Variants in FBXL16 observed in about 807,000 individuals in gnomAD.
FBXL16 encodes the protein F-box and leucine rich repeat protein 16.
Under a neutral mutation model 36.7 loss-of-function variants are expected in FBXL16, and 7 were observed. The ratio of observed to expected loss-of-function variants is 0.19; its 90% CI spans 0.11 to 0.36. The LOEUF (loss-of-function observed/expected upper bound fraction) is 0.36, where lower values mean the gene tolerates loss of function less well. Ranked by LOEUF, FBXL16 falls within the 10% of genes least tolerant of loss-of-function variation. The pLI, the probability that FBXL16 is intolerant of heterozygous loss-of-function variation, is 1.00. For missense variants in FBXL16, 463 were observed against 659.4 expected (o/e 0.70, Z 3.26); for synonymous variants, 355 against 308.7 (o/e 1.15, Z -1.57).
In FBXL16 at chr16:697,380, T is replaced by C. The variant is rs1374954732; in HGVS notation, c.26A>G (p.Asp9Gly). The C allele has an allele frequency of 8.5e-6, 13 of 1,535,488 alleles. No homozygotes were observed. Among genetic ancestry groups the C allele is most frequent in the Non-Finnish European group, 1.1e-5 (13 of 1,147,196 alleles). MSSPGIDG[D>G]PKPPCLPRNG... is the part of the protein sequence containing the mutation. ...TCGAGGCAAGCATGGAGGCTTGGGGTCGCCGTCGATGCCCGGGCTCGACAT... is the reference window on the plus strand; with the variant it reads ...TCGAGGCAAGCATGGAGGCTTGGGGCCGCCGTCGATGCCCGGGCTCGACAT... Residue 9 changes from aspartate to glycine, a missense_variant, in exon 2 of 6, where the codon GAC (aspartate) becomes GGC (glycine). Physicochemically the swap from Asp to Gly is moderately conservative, Grantham distance 94. Around this residue, in one of 3 missense-constraint regions of FBXL16, gnomAD observed 263 missense variants for 341.1 expected, o/e 0.77. Coordinates refer to ENST00000397621, the MANE Select transcript of FBXL16 (RefSeq NM_153350.4). The surrounding 1 kb of genome is among the most constrained non-coding windows in gnomAD (Gnocchi z 4.6).
At chr16:701,985 C>T (rs2040060708) in intron 1 of FBXL16, among the ~76,000 whole-genome samples, 1 of 152,156 alleles carries the variant, frequency 6.6e-6, no homozygotes, top group Non-Finnish European at 1.5e-5. Context: ...GTGGCCGTGG[C>T]CTCTGTGTCC....
rs921676083 is a variant in FBXL16, at chr16:695,297, G to A, written c.1142+118C>T. The A allele has an allele frequency of 3.4e-6, 4 of 1,174,734 alleles. No homozygotes were observed. The African/African-American group carries it at 6.6e-5, about 19-fold the overall frequency. The allele number at this position is 1,174,734 out of a possible 1,614,324, so 72.8% of individuals were successfully genotyped here. On this transcript the variant is annotated intron_variant, in intron 3 of 5. Coordinates refer to ENST00000397621, the MANE Select transcript of FBXL16 (RefSeq NM_153350.4). ...AGGCTCCGAGGGCTCTGCCCGCCGCGCCACAGCCCCAGCCCCGCCGGAAGC... is the reference window on the plus strand; with the variant it reads ...AGGCTCCGAGGGCTCTGCCCGCCGCACCACAGCCCCAGCCCCGCCGGAAGC...
rs997504936 is a variant in FBXL16 at position 693,474 on chromosome 16, A to T, written c.*801T>A. The T allele has an allele frequency of 2.6e-5, 4 of 152,522 alleles. No homozygotes were observed. Among genetic ancestry groups the T allele is most frequent in the African/African-American group, 9.6e-5 (4 of 41,452 alleles). The allele number at this position is 152,522 out of a possible 1,614,324, so 9.4% of individuals were successfully genotyped here. A position where few individuals can be genotyped will look rare whatever the true frequency, so the allele number is the denominator to read the frequency against. On this transcript the variant is annotated 3_prime_UTR_variant, in exon 6 of 6. Coordinates refer to ENST00000397621, the MANE Select transcript of FBXL16 (RefSeq NM_153350.4). Reference sequence around the variant, plus strand: ...CTGCGCCACCCCTGGGTTGAGGCCGACCGGAGTCAGCTGGGATCACGTTAA... The same window carrying T: ...CTGCGCCACCCCTGGGTTGAGGCCGTCCGGAGTCAGCTGGGATCACGTTAA...
At chr16:701,717 C>A (rs763850959) in intron 1 of FBXL16, among the ~76,000 whole-genome samples, 2 of 152,132 alleles carry the variant, frequency 1.3e-5, no homozygotes, top group African/African-American at 2.4e-5. Context: ...GGGGCTCGGA[C>A]GACCTGCGTG....
At position 705,714 on chromosome 16, in the gene FBXL16, C is replaced by G. The variant is rs1331098450; in HGVS notation, c.-217G>C. 1.3e-5 allele frequency: 2 copies of G among 148,558 alleles called. No homozygotes were observed. Among genetic ancestry groups the G allele is most frequent in the Non-Finnish European group, 3.0e-5 (2 of 66,702 alleles). The allele number at this position is 148,558 out of a possible 1,614,324, so 9.2% of individuals were successfully genotyped here. On this transcript the variant is annotated 5_prime_UTR_variant, in exon 1 of 6. Coordinates refer to ENST00000397621, the MANE Select transcript of FBXL16 (RefSeq NM_153350.4). ...AAGGAGCTCCCCGGTGGGAGAGGAT[C>G]GGCCGCCCCAAGCCTCCCACCGGGG...
At position 696,810 on chromosome 16, in the gene FBXL16, C is replaced by T; in HGVS notation, c.596G>A (p.Ser199Asn). 1 of 1,487,494 alleles carries T rather than the reference C, an allele frequency of 6.7e-7. No homozygotes were observed. The highest frequency in any genetic ancestry group is 9.0e-7 in the Non-Finnish European group (1 of 1,113,008). The allele number at this position is 1,487,494 out of a possible 1,614,324, so 92.1% of individuals were successfully genotyped here. A position where few individuals can be genotyped will look rare whatever the true frequency, so the allele number is the denominator to read the frequency against. Residue 199 changes from serine to asparagine, a missense_variant, in exon 2 of 6, where the codon AGC (serine) becomes AAC (asparagine). Physicochemically the swap from Ser to Asn is conservative, Grantham distance 46. Coordinates refer to ENST00000397621, the MANE Select transcript of FBXL16 (RefSeq NM_153350.4). ...GTCCGTGATGGTGGAGCGCTTGAGG[C>T]TCATGGCTTTGACACCCTTCTTGGA... ...ALSKKGVKAM[S>N]LKRSTITDAG...
chr16:705,749 C>CTG lies in FBXL16; in HGVS notation c.-254_-253dup, dbSNP rs1176272116. 6.7e-6 allele frequency: 1 copy of CTG among 148,830 alleles called. No homozygotes were observed. Among genetic ancestry groups the CTG allele is most frequent in the Non-Finnish European group, 1.5e-5 (1 of 66,768 alleles). The allele number at this position is 148,830 out of a possible 1,614,324, so 9.2% of individuals were successfully genotyped here. A position where few individuals can be genotyped will look rare whatever the true frequency, so the allele number is the denominator to read the frequency against. On this transcript the variant is annotated 5_prime_UTR_variant, in exon 1 of 6. Transcript: ENST00000397621. ...AAGCCTCCCACCGGGGAGGCTGAGG[C>CTG]TGTGCCCAGATAAATAAGGCCGCTT...
At position 697,999 on chromosome 16, in the gene FBXL16, C is replaced by CAAAA. The variant is rs75619896; in HGVS notation, c.-14-584_-14-581dup. Among the ~76,000 whole-genome samples the CAAAA allele has an allele frequency of 7.5e-6, 1 of 133,364 alleles. No individual in the cohort carries two copies. 87.5% of individuals were successfully genotyped at this position (133,364 alleles called of 152,430 possible). A position where few individuals can be genotyped will look rare whatever the true frequency, so the allele number is the denominator to read the frequency against. On this transcript the variant is annotated intron_variant, in intron 1 of 5. Coordinates refer to ENST00000397621, the MANE Select transcript of FBXL16 (RefSeq NM_153350.4). This position sits in a 1 kb window ranked among gnomAD's most constrained non-coding sequence, Gnocchi z 4.6. ...TGGGCAACTGAGCAAGACTCTGTCT[C>CAAAA]AAAAAAAAAAAAAAGAAACAGTTTC...
chr16:700,454 C>T (rs1389861713), intron 1 of FBXL16, among the ~76,000 whole-genome samples: 2 of 152,160 alleles, frequency 1.3e-5, no homozygotes, highest in Non-Finnish European at 2.9e-5. Context: ...GGGGTCGGCA[C>T]ATGATTCGAC....
At position 694,254 on chromosome 16, in the gene FBXL16, G is replaced by A. The variant is rs2039992893; in HGVS notation, c.*21C>T. 7.5e-7 allele frequency: 1 copy of A among 1,330,602 alleles called. No individual in the cohort carries two copies. The highest frequency in any genetic ancestry group is 9.6e-7 in the Non-Finnish European group (1 of 1,036,694). 82.4% of individuals were successfully genotyped at this position (1,330,602 alleles called of 1,614,324 possible). Reference sequence around the variant, plus strand: ...GCCCAGGTCATGGCCGGGTTCCCGCGACCGGGGCGGGGGCCTCGCGCTACT... The same window carrying A: ...GCCCAGGTCATGGCCGGGTTCCCGCAACCGGGGCGGGGGCCTCGCGCTACT... On this transcript the variant is annotated 3_prime_UTR_variant, in exon 6 of 6. Coordinates refer to ENST00000397621, the MANE Select transcript of FBXL16 (RefSeq NM_153350.4).
At position 694,621 on chromosome 16, in the gene FBXL16, AC is replaced by A. The variant is rs754900841; in HGVS notation, c.1291+12del. 93 of 1,606,690 alleles carry A rather than the reference AC, an allele frequency of 5.8e-5. No individual in the cohort carries two copies. Among genetic ancestry groups the A allele is most frequent in the Non-Finnish European group, 7.4e-5 (87 of 1,177,124 alleles). ...GGTCACTGCCAGCGTCAGAGCAGAA[AC>A]GGGGGTCTCACCTGCCAGAGACAGG... is the stretch of plus-strand genomic sequence containing the variant. On this transcript the variant is annotated intron_variant, in intron 5 of 5. Transcript: ENST00000397621.
At chr16:701,925 C>T in intron 1 of FBXL16, among the ~76,000 whole-genome samples, 1 of 152,162 alleles carries the variant, frequency 6.6e-6, no homozygotes, top group East Asian at 1.9e-4. Context: ...CCCACCTCAG[C>T]TGTCTTGTCC....
chr16:696,932 C>G lies in FBXL16; in HGVS notation c.474G>C (p.Val158=), dbSNP rs150039881. 4 of 1,607,278 alleles carry G rather than the reference C, an allele frequency of 2.5e-6. No homozygotes were observed. The African/African-American group carries it at 5.3e-5, about 21-fold the overall frequency. Residue 158 remains valine, a synonymous_variant, in exon 2 of 6, where the codon GTG becomes GTC. Transcript: ENST00000397621. ...CTCTGGCGGCAAAACCCTGCAGGTT[C>G]ACGAACTCCTTCTCGCCACCAGGCA... ...NVLPGGEKEF[V]NLQGFAARGF...
At chr16:696,751 C>T (rs2040014787) in intron 2 of FBXL16, 22 bp downstream of exon 2, 1 of 725,478 alleles carries the variant, frequency 1.4e-6, no homozygotes. Context: ...CCAGCCCTGT[C>T]CCCCCCGAGC....
Position 696,270 on chromosome 16 carries a change from T to C in FBXL16, c.634-347A>G, listed in dbSNP as rs139895543. Among the ~76,000 whole-genome samples the C allele has an allele frequency of 5.1e-3, 729 of 143,718 alleles. 4 individuals are homozygous for C. The highest frequency in any genetic ancestry group is 8.0e-3 in the Non-Finnish European group (527 of 65,724). 94.3% of individuals were successfully genotyped at this position (143,718 alleles called of 152,430 possible). A position where few individuals can be genotyped will look rare whatever the true frequency, so the allele number is the denominator to read the frequency against. On this transcript the variant is annotated intron_variant, in intron 2 of 5. Coordinates refer to ENST00000397621, the MANE Select transcript of FBXL16 (RefSeq NM_153350.4). ...TTATTCATTCATTCATTCAATCATTTTGAGACAGAGCCTTACTCTGTTGCC... is the reference window on the plus strand; with the variant it reads ...TTATTCATTCATTCATTCAATCATTCTGAGACAGAGCCTTACTCTGTTGCC...
chr16:698,422 C>T (rs2040031208), intron 1 of FBXL16, among the ~76,000 whole-genome samples: 1 of 152,258 alleles, frequency 6.6e-6, no homozygotes, highest in Non-Finnish European at 1.5e-5. Context: ...GCCAGGACTG[C>T]TCTCTTGACC....
Position 694,716 on chromosome 16 carries a change from C to A in FBXL16, c.1228-19G>T. 6.9e-6 allele frequency: 11 copies of A among 1,595,006 alleles called. No individual in the cohort carries two copies. Among genetic ancestry groups the A allele is most frequent in the Non-Finnish European group, 8.5e-6 (10 of 1,170,732 alleles). ...CTTGCACCTGTCGGGAGTGGAGGAG[C>A]GACTTAACGATTTCCGCTCGCACCG... On this transcript the variant is annotated intron_variant, in intron 4 of 5. Transcript: ENST00000397621.
intron 5 of FBXL16, 36 bp downstream of exon 5, chr16:694,598 T>C (rs1259386176): frequency 1.3e-6 from 2 of 1,589,632 alleles, no homozygotes; most frequent in East Asian, 2.3e-5. Context: ...GGGTGGGTGG[T>C]CACTGCCAGC....
In FBXL16 at chr16:697,316, C is replaced by T. The variant is rs1285521839; in HGVS notation, c.90G>A (p.Leu30=). Residue 30 remains leucine (L), a synonymous_variant, in exon 2 of 6, where the codon CTG becomes CTA. Transcript: ENST00000397621. The surrounding 1 kb of genome is among the most constrained non-coding windows in gnomAD (Gnocchi z 4.6). ...LVKLPGQPNG[L]GAASITKGTP... is the part of the protein sequence containing the mutation. ...TGCCCTTGGTGATGCTGGCCGCACC[C>T]AGGCCGTTGGGCTGGCCCGGCAGCT... 1.3e-6 allele frequency: 2 copies of T among 1,534,952 alleles called. No homozygotes were observed. Among genetic ancestry groups the T allele is most frequent in the Non-Finnish European group, 1.7e-6 (2 of 1,146,486 alleles).
Sources: allele counts gnomAD v4.1 joint callset (sites outside exome capture counted in the v4.1 genomes callset), GRCh38; gene constraint gnomAD v4.1.1; regional missense constraint gnomAD v4.1.1; non-coding constraint Gnocchi (gnomAD v3.1); transcripts MANE v1.5; gene names NCBI Gene and HGNC (gene_info 2026-07-23, HGNC 2026-07-21).